Variants in RPP30 observed in about 807,000 individuals in gnomAD.
RPP30 encodes the protein ribonuclease P protein subunit p30.
A neutral mutation model predicts 38.6 loss-of-function variants in RPP30; 36 were observed. That is an observed-to-expected ratio of 0.93 (90% CI 0.71 to 1.23). The LOEUF (loss-of-function observed/expected upper bound fraction) is 1.23. RPP30 is among the 50% of genes most tolerant of loss of function. RPP30 has a pLI of 0.00. For synonymous variants in RPP30, 126 were observed against 112.7 expected, an observed-to-expected ratio of 1.12 and a Z score of -0.75; for missense variants, 321 against 321.7, an observed-to-expected ratio of 1.00 and a Z score of 0.02.
chr10:90,889,108 T>C (rs1457269565), intron 6 of RPP30, among the ~76,000 whole-genome samples: 1 of 152,192 alleles, frequency 6.6e-6, no homozygotes, highest in African/African-American at 2.4e-5. Context: ...AGTTGTGGCA[T>C]AGGTATGTAT....
intron 6 of RPP30, among the ~76,000 whole-genome samples, chr10:90,892,928 TAA>T (rs1357831959): frequency 1.3e-5 from 2 of 152,228 alleles, no homozygotes; most frequent in African/African-American, 2.4e-5. Flanking sequence ...ACCTTTTATG[TAA>T]AAGGCAGTCT....
chr10:90,896,306 C>T lies in RPP30; in HGVS notation c.618-7C>T. On this transcript the variant is annotated splice_polypyrimidine_tract_variant and splice_region_variant and intron_variant, in intron 9 of 10. Coordinates refer to ENST00000371703, the MANE Select transcript of RPP30 (RefSeq NM_006413.5). ...CTCTGGGTTGAAATCTTTAATGCTC[C>T]CCCAAGAGGCTTGCTGTTTGGGCTC... 6.2e-7 allele frequency: 1 copy of T among 1,613,202 alleles called. No individual in the cohort carries two copies. The highest frequency in any genetic ancestry group is 8.5e-7 in the Non-Finnish European group (1 of 1,179,220).
intron 6 of RPP30, among the ~76,000 whole-genome samples, chr10:90,886,224 A>G (rs1405471885): frequency 6.6e-6 from 1 of 152,230 alleles, no homozygotes; most frequent in Non-Finnish European, 1.5e-5. Context: ...AGCAGTCAAA[A>G]AAGAAGAGGA....
At position 90,901,269 on chromosome 10, in the gene RPP30, C is replaced by T. The variant is rs937048310; in HGVS notation, c.*590C>T. 30 of 984,028 alleles carry T rather than the reference C, an allele frequency of 3.0e-5. No homozygotes were observed. In the African/African-American group the frequency reaches 5.1e-4, roughly 17 times the overall value. 61.0% of individuals were successfully genotyped at this position (984,028 alleles called of 1,614,324 possible). On this transcript the variant is annotated 3_prime_UTR_variant, in exon 11 of 11. Coordinates refer to ENST00000371703, the MANE Select transcript of RPP30 (RefSeq NM_006413.5). The stretch of plus-strand genomic sequence containing the variant: ...CCTAAAGTGCTGGGATTACATGAGC[C>T]ACCACATGCAGCCAGATGTTTGAAT...
downstream of RPP30, chr10:90,903,221 ATC>A (rs1284527581): frequency 6.2e-7 from 1 of 1,608,834 alleles, no homozygotes; most frequent in Non-Finnish European, 8.5e-7. Flanking sequence ...ACAACTTTTG[ATC>A]TCTCATCAGA....
intron 10 of RPP30, among the ~76,000 whole-genome samples, chr10:90,896,916 A>AT (rs886455959): frequency 9.3e-5 from 14 of 150,486 alleles, no homozygotes; most frequent in Middle Eastern, 3.4e-3. Context: ...TACCTTTTTT[A>AT]TTTTTTTTTC....
intron 10 of RPP30, among the ~76,000 whole-genome samples, chr10:90,896,878 C>T (rs1847144674): frequency 1.3e-5 from 2 of 152,174 alleles, no homozygotes; most frequent in East Asian, 3.9e-4. Context: ...CTCATGTTTG[C>T]TTACATGGTC....
At chr10:90,894,960 T>A in intron 7 of RPP30, 69 bp downstream of exon 7, 2 of 1,025,520 alleles carry the variant, frequency 2.0e-6, no homozygotes, top group Non-Finnish European at 3.1e-6. Context: ...ACTGGAATTG[T>A]CAAACTGACT....
rs551110474 is a variant in RPP30 at position 90,901,726 on chromosome 10, C to G, written c.*1047C>G. On this transcript the variant is annotated 3_prime_UTR_variant, in exon 11 of 11. Transcript: ENST00000371703. ...CATTTATGCAATATTAATGTAAGGG[C>G]TCTAAAACAATGGAGTAGAGCCAGA... 44 of 984,022 alleles carry G rather than the reference C, an allele frequency of 4.5e-5. No individual in the cohort carries two copies. The highest frequency in any genetic ancestry group is 5.1e-5 in the Non-Finnish European group (42 of 828,872). 61.0% of individuals were successfully genotyped at this position (984,022 alleles called of 1,614,324 possible). A position where few individuals can be genotyped will look rare whatever the true frequency, so the allele number is the denominator to read the frequency against.
chr10:90,895,527 A>G (rs1170531607), intron 8 of RPP30, 44 bp downstream of exon 8: 1 of 1,181,902 alleles, frequency 8.5e-7, no homozygotes, highest in Admixed American at 2.9e-5. Flanking sequence ...TTCAGGTTAT[A>G]AAACTTTTCA....
chr10:90,874,730 C>T, intron 1 of RPP30, 139 bp from the exon 2 acceptor site: 1 of 460,014 alleles, frequency 2.2e-6, no homozygotes, highest in Non-Finnish European at 4.0e-6. Flanking sequence ...TTAAATCAGG[C>T]AGACTGACAC....
intron 5 of RPP30, among the ~76,000 whole-genome samples, chr10:90,884,090 G>A (rs1846967724): frequency 6.6e-6 from 1 of 152,058 alleles, no homozygotes; most frequent in Admixed American, 6.6e-5. Flanking sequence ...TCATATAAAG[G>A]GATCATAATT....
At chr10:90,899,458 C>G (rs1231963481) in intron 10 of RPP30, among the ~76,000 whole-genome samples, 1 of 152,162 alleles carries the variant, frequency 6.6e-6, no homozygotes, top group Non-Finnish European at 1.5e-5. Flanking sequence ...TCTTTTGATT[C>G]TGCCACCTTT....
rs577086409 is a variant in RPP30 at position 90,887,572 on chromosome 10, A to C, written c.432+1671A>C. 1.7e-3 allele frequency among the ~76,000 whole-genome samples: 258 copies of C among 151,926 alleles called. 2 individuals are homozygous for C. Among genetic ancestry groups the C allele is most frequent in the African/African-American group, 6.0e-3 (249 of 41,426 alleles). The stretch of plus-strand genomic sequence containing the variant: ...TAATTTTTGTATTTCTTTTTAGTAG[A>C]GATGGGGTTTTACCATGTTGGCCAG... On this transcript the variant is annotated intron_variant, in intron 6 of 10. Coordinates refer to ENST00000371703, the MANE Select transcript of RPP30 (RefSeq NM_006413.5).
intron 6 of RPP30, among the ~76,000 whole-genome samples, chr10:90,891,436 C>G (rs1323893874): frequency 6.6e-6 from 1 of 152,138 alleles, no homozygotes; most frequent in Admixed American, 6.5e-5. Context: ...CTACAGTGAC[C>G]CTATTTCCAA....
At chr10:90,895,018 C>T in intron 7 of RPP30, 127 bp downstream of exon 7, 1 of 776,034 alleles carries the variant, frequency 1.3e-6, no homozygotes, top group Non-Finnish European at 2.3e-6. Flanking sequence ...ACAAATTCTG[C>T]CATTTCAGTG....
At position 90,874,889 on chromosome 10, in the gene RPP30, A is replaced by G. The variant is rs980051325; in HGVS notation, c.103A>G (p.Ile35Val). Residue 35 changes from isoleucine (I) to valine (V), a missense_variant, in exon 2 of 11, where the codon ATC becomes GTC. Physicochemically the swap from Ile to Val is conservative, Grantham distance 29. Transcript: ENST00000371703. ...AAHLGYSVVA[I>V]NHIVDFKEKK... The stretch of plus-strand genomic sequence containing the variant: ...TTCAGTTGGCTATTCAGTTGTTGCT[A>G]TCAATCATATCGTTGACTTTAAGGA... 4 of 1,597,714 alleles carry G rather than the reference A, an allele frequency of 2.5e-6. No individual in the cohort carries two copies. Among genetic ancestry groups the G allele is most frequent in the Admixed American group, 1.7e-5 (1 of 58,756 alleles).
At chr10:90,902,355 C>G, downstream of RPP30, 1 of 387,246 alleles carries the variant, frequency 2.6e-6, no homozygotes, top group South Asian at 1.8e-5. Context: ...GTAAGTGGGA[C>G]CAGAAGCATG....
downstream of RPP30, among the ~76,000 whole-genome samples, chr10:90,903,528 A>G (rs912070387): frequency 3.9e-5 from 6 of 152,248 alleles, no homozygotes; most frequent in Admixed American, 6.5e-5. Context: ...ACGTCCATTT[A>G]CTACACATTT....
Sources: allele counts gnomAD v4.1 joint callset (sites outside exome capture counted in the v4.1 genomes callset), GRCh38; gene constraint gnomAD v4.1.1; transcripts MANE v1.5; gene names NCBI Gene and HGNC (gene_info 2026-07-23, HGNC 2026-07-21).